Variants in SMIM19 observed in about 807,000 individuals in gnomAD.
SMIM19 encodes the protein UPF0697 protein C8orf40.
A neutral mutation model predicts 13.2 loss-of-function variants in SMIM19; 6 were observed. The ratio of observed to expected loss-of-function variants is 0.45; its 90% CI spans 0.25 to 0.90. SMIM19 has a LOEUF of 0.90. Among genes scored for constraint, SMIM19 ranks in the 40% least tolerant of loss-of-function variants. The pLI is 0.19. For missense variants in SMIM19, 138 were observed against 131.0 expected, an observed-to-expected ratio of 1.05 and a Z score of -0.26; for synonymous variants, 46 against 43.1, an observed-to-expected ratio of 1.07 and a Z score of -0.27.
At chr8:42,549,445 A>G (rs1813595442) in intron 3 of SMIM19, among the ~76,000 whole-genome samples, 1 of 152,158 alleles carries the variant, frequency 6.6e-6, no homozygotes, top group Admixed American at 6.6e-5. Context: ...CTGACATGCT[A>G]CACATGGATG....
intron 1 of SMIM19, among the ~76,000 whole-genome samples, chr8:42,543,904 CT>C (rs1013182377): frequency 6.6e-6 from 1 of 151,948 alleles, no homozygotes; most frequent in Non-Finnish European, 1.5e-5. Flanking sequence ...ATAAAGTCAT[CT>C]TTTTTTTGCC....
chr8:42,546,374 G>C (rs1402725487), intron 1 of SMIM19, 95 bp from the exon 2 acceptor site: 1 of 1,400,892 alleles, frequency 7.1e-7, no homozygotes, highest in South Asian at 1.7e-5. Context: ...TGGTGGACTG[G>C]ATTTGGCCAG....
In SMIM19 at chr8:42,552,669, C is replaced by A. The variant is rs1813713027; in HGVS notation, c.*61C>A. On this transcript the variant is annotated 3_prime_UTR_variant, in exon 4 of 4. Coordinates refer to ENST00000417410, the MANE Select transcript of SMIM19 (RefSeq NM_001135674.2). ...AAGCTCCTGATTCTTTCTACTAAAT[C>A]ATGAACAGCTTTAAAAACATTTCTG... The A allele has an allele frequency of 6.9e-5, 105 of 1,527,596 alleles. 1 individual carries two copies. The South Asian group carries it at 1.1e-3, about 17-fold the overall frequency. The allele number at this position is 1,527,596 out of a possible 1,614,324, so 94.6% of individuals were successfully genotyped here.
At chr8:42,551,712 C>G (rs913733658) in intron 3 of SMIM19, among the ~76,000 whole-genome samples, 1 of 152,136 alleles carries the variant, frequency 6.6e-6, no homozygotes, top group African/African-American at 2.4e-5. Flanking sequence ...GAGGCCAAGG[C>G]AGGATGATCG....
intron 3 of SMIM19, among the ~76,000 whole-genome samples, chr8:42,549,754 T>TA (rs919625553): frequency 2.6e-5 from 4 of 151,944 alleles, no homozygotes; most frequent in Non-Finnish European, 4.4e-5. Flanking sequence ...TTTACCACAT[T>TA]AAAAAAAATC....
chr8:42,548,481 G>A (rs1400437801), intron 2 of SMIM19, 175 bp from the exon 3 acceptor site: 2 of 752,010 alleles, frequency 2.7e-6, no homozygotes, highest in African/African-American at 3.5e-5. Flanking sequence ...ATACTTTTTA[G>A]TGAAAGAAAG....
chr8:42,553,681 T>G lies in SMIM19; in HGVS notation c.*1073T>G, dbSNP rs1813740172. On this transcript the variant is annotated 3_prime_UTR_variant, in exon 4 of 4. Coordinates refer to ENST00000417410, the MANE Select transcript of SMIM19 (RefSeq NM_001135674.2). ...GAATCCGTTTTTGAACTAGAGCTAT[T>G]TTCAATTATAAGAGTGAGCTGGCTG... 6.6e-6 allele frequency: 1 copy of G among 152,214 alleles called. No homozygotes were observed. Among genetic ancestry groups the G allele is most frequent in the South Asian group, 2.1e-4 (1 of 4,830 alleles). 9.4% of individuals were successfully genotyped at this position (152,214 alleles called of 1,614,324 possible).
rs1257137463 is a variant in SMIM19 at position 42,552,984 on chromosome 8, C to A, written c.*376C>A. 1 of 172,494 alleles carries A rather than the reference C, an allele frequency of 5.8e-6. No homozygotes were observed. The highest frequency in any genetic ancestry group is 1.2e-5 in the Non-Finnish European group (1 of 80,776). The allele number at this position is 172,494 out of a possible 1,614,324, so 10.7% of individuals were successfully genotyped here. ...CAAGTTATTATTTCAATAATAACTTCCTGTTTCATTGTATTCTGTGAGTGA... is the reference window on the plus strand; with the variant it reads ...CAAGTTATTATTTCAATAATAACTTACTGTTTCATTGTATTCTGTGAGTGA... On this transcript the variant is annotated 3_prime_UTR_variant, in exon 4 of 4. Coordinates refer to ENST00000417410, the MANE Select transcript of SMIM19 (RefSeq NM_001135674.2).
intron 3 of SMIM19, 24 bp from the exon 4 acceptor site, chr8:42,552,520 T>A (rs747811914): frequency 6.2e-7 from 1 of 1,612,464 alleles, no homozygotes; most frequent in Middle Eastern, 1.7e-4. Flanking sequence ...TAATTTTATC[T>A]CTTCTTTTTC....
In SMIM19 at chr8:42,552,571, A is replaced by C. The variant is rs1307920061; in HGVS notation, c.287A>C (p.Gln96Pro). 6.2e-7 allele frequency: 1 copy of C among 1,614,142 alleles called. No homozygotes were observed. Among genetic ancestry groups the C allele is most frequent in the Admixed American group, 1.7e-5 (1 of 60,028 alleles). The change falls in exon 4 of 4, where the codon CAA becomes CCA. Residue 96 changes from glutamine (Q) to proline (P), a missense_variant. Physicochemically the swap from Gln to Pro is moderately conservative, Grantham distance 76. Transcript: ENST00000417410. ...AGAAAGTACGACTATCAGCAGCCAC[A>C]AAACCAAGCTGACAGTGTGCAACTC... ...ISRKYDYQQP[Q>P]NQADSVQLSL... is the part of the protein sequence containing the mutation.
intron 1 of SMIM19, among the ~76,000 whole-genome samples, chr8:42,542,982 T>TAAA (rs57392162): frequency 0.47 from 65,480 of 139,406 alleles, 17,524 homozygotes; most frequent in South Asian, 0.63. Context: ...CCTGTTTTTG[T>TAAA]AAAAAAAAAA....
intron 1 of SMIM19, among the ~76,000 whole-genome samples, chr8:42,544,697 C>G (rs1262023574): frequency 3.3e-5 from 5 of 152,178 alleles, no homozygotes; most frequent in African/African-American, 9.7e-5. Context: ...GTTCATGATA[C>G]TCACTTTATT....
intron 2 of SMIM19, 46 bp downstream of exon 2, chr8:42,546,652 GT>G: frequency 6.3e-7 from 1 of 1,581,188 alleles, no homozygotes; most frequent in Non-Finnish European, 8.6e-7. Flanking sequence ...GCATTTACAA[GT>G]TTTGCTAGTT....
chr8:42,550,926 A>G (rs72643255), intron 3 of SMIM19, among the ~76,000 whole-genome samples: 10,107 of 152,252 alleles, frequency 0.066, 440 homozygotes, highest in Middle Eastern at 0.14. Context: ...TCTTTTTTAA[A>G]TAGAAGACTC....
chr8:42,544,414 G>GA (rs200306298), intron 1 of SMIM19, among the ~76,000 whole-genome samples: 2,846 of 118,384 alleles, frequency 0.024, 88 homozygotes, highest in African/African-American at 0.072. Flanking sequence ...CTGTCTCAGG[G>GA]AAAAAAAAAA....
At position 42,553,951 on chromosome 8, in the gene SMIM19, C is replaced by T. The variant is rs1813747914; in HGVS notation, c.*1343C>T. On this transcript the variant is annotated 3_prime_UTR_variant, in exon 4 of 4. Transcript: ENST00000417410. ...GAGCCAAGATCACACCACTGCATTC[C>T]AGCCTAGGCGACAGAGCAAGACTTC... The T allele has an allele frequency of 6.7e-6, 1 of 149,516 alleles. No individual in the cohort carries two copies. Among genetic ancestry groups the T allele is most frequent in the Non-Finnish European group, 1.5e-5 (1 of 67,802 alleles). The allele number at this position is 149,516 out of a possible 1,614,324, so 9.3% of individuals were successfully genotyped here.
rs1813738314 is a variant in SMIM19, at chr8:42,553,604, A to G, written c.*996A>G. 1 of 152,258 alleles carries G rather than the reference A, an allele frequency of 6.6e-6. No homozygotes were observed. The highest frequency in any genetic ancestry group is 2.4e-5 in the African/African-American group (1 of 41,472). The allele number at this position is 152,258 out of a possible 1,614,324, so 9.4% of individuals were successfully genotyped here. ...CCTAATTTTTCATGTTTATTTAAAT[A>G]AAAGCTGACTGGGTAATAGTGGGGA... On this transcript the variant is annotated 3_prime_UTR_variant, in exon 4 of 4. Transcript: ENST00000417410.
intron 1 of SMIM19, 64 bp from the exon 2 acceptor site, chr8:42,546,405 C>A: frequency 6.6e-7 from 1 of 1,504,878 alleles, no homozygotes; most frequent in South Asian, 1.4e-5. Context: ...GTTTGCCAAC[C>A]CTTCTCCAGA....
intron 3 of SMIM19, among the ~76,000 whole-genome samples, chr8:42,550,081 A>G (rs1303842043): frequency 6.6e-6 from 1 of 152,034 alleles, no homozygotes; most frequent in Non-Finnish European, 1.5e-5. Flanking sequence ...GGGGGACAAG[A>G]GTGAAACTTC....
Sources: allele counts gnomAD v4.1 joint callset (sites outside exome capture counted in the v4.1 genomes callset), GRCh38; gene constraint gnomAD v4.1.1; transcripts MANE v1.5; gene names NCBI Gene and HGNC (gene_info 2026-07-23, HGNC 2026-07-21).